INSL6: variants seen among roughly 807,000 people sequenced by gnomAD.
The protein encoded by INSL6 is insulin like 6.
INSL6 carries 16 observed loss-of-function variants against 9.4 expected under a neutral mutation model. The observed-to-expected ratio is 1.70, with a 90% confidence interval of 1.15 to 2.59. The LOEUF (loss-of-function observed/expected upper bound fraction) is 2.59, where lower values mean the gene tolerates loss of function less well. Among genes scored for constraint, INSL6 ranks in the 30% most tolerant of loss-of-function variants. The probability of loss-of-function intolerance (pLI) is 0.00; values close to 1 mark genes in which losing one functional copy is unlikely to be tolerated. For missense variants in INSL6, 391 were observed against 257.3 expected (o/e 1.52, Z -3.56); for synonymous variants, 154 against 96.9 (o/e 1.59, Z -3.46).
intron 2 of INSL6, among the ~76,000 whole-genome samples, chr9:5,139,602 G>A (rs1824450570): frequency 6.6e-6 from 1 of 152,148 alleles, no homozygotes; most frequent in African/African-American, 2.4e-5. Flanking sequence ...TCTGCTACAT[G>A]AAATATAACT....
chr9:4,997,711 G>A, the INSL6 span, among the ~76,000 whole-genome samples: 3 of 152,262 alleles, frequency 2.0e-5, no homozygotes, highest in East Asian at 5.8e-4. Context: ...GTTTTATAAA[G>A]GTTTGATATG....
chr9:5,029,982 C>T, the INSL6 span: 2 of 1,336,518 alleles, frequency 1.5e-6, no homozygotes, highest in South Asian at 2.9e-5. Context: ...TTTTTAATTG[C>T]AAGGTACTTA....
the INSL6 span, among the ~76,000 whole-genome samples, chr9:5,087,857 CAT>C: frequency 6.6e-6 from 1 of 152,174 alleles, no homozygotes. Context: ...ATTGCAATGA[CAT>C]GACTGTATTT....
rs117942233 is a variant in INSL6, at chr9:5,141,422, G to A, written c.377-7830C>T. ...TATTGGCATGAGATGGTATCTCATC[G>A]TAGTTATGATTTACGTTTCTCTAAT... On this transcript the variant is annotated intron_variant, in intron 2 of 3. Coordinates refer to the INSL6 transcript ENST00000649639. Among the ~76,000 whole-genome samples the A allele has an allele frequency of 5.5e-4, 84 of 152,206 alleles. 1 individual carries two copies. In the East Asian group the frequency reaches 0.014, roughly 26 times the overall value.
chr9:5,061,548 C>T, the INSL6 span, among the ~76,000 whole-genome samples: 1 of 152,234 alleles, frequency 6.6e-6, no homozygotes, highest in Admixed American at 6.5e-5. Flanking sequence ...GCAGCTTCCT[C>T]ACCTCTCTCA....
At chr9:5,078,437 A>G in the INSL6 span, 1 of 1,612,066 alleles carries the variant, frequency 6.2e-7, no homozygotes, top group Middle Eastern at 1.7e-4. Context: ...CAGTTTTGCC[A>G]AAGGACAGTA....
the INSL6 span, among the ~76,000 whole-genome samples, chr9:5,105,323 A>G: frequency 1.4e-4 from 21 of 152,228 alleles, no homozygotes; most frequent in Admixed American, 6.5e-5. Context: ...CAAAGAGAAT[A>G]AAATACCTGG....
chr9:5,162,237 A>G (rs751598115), downstream of INSL6, among the ~76,000 whole-genome samples: 3 of 151,702 alleles, frequency 2.0e-5, no homozygotes, highest in African/African-American at 7.3e-5. Flanking sequence ...TTTTTTTTCA[A>G]TTTGGGATTG....
chr9:5,160,828 G>A (rs897543078), downstream of INSL6, among the ~76,000 whole-genome samples: 2 of 152,014 alleles, frequency 1.3e-5, no homozygotes, highest in African/African-American at 4.8e-5. Flanking sequence ...CCAAAAAACT[G>A]GAAGACCTAC....
At chr9:5,128,482 A>G (rs1037881572) in intron 3 of INSL6, among the ~76,000 whole-genome samples, 1 of 151,686 alleles carries the variant, frequency 6.6e-6, no homozygotes, top group Admixed American at 6.6e-5. Context: ...AAAATAGCCT[A>G]TCATACAATA....
chr9:5,123,202 T>C (rs1823750571), downstream of INSL6: 1 of 889,392 alleles, frequency 1.1e-6, no homozygotes, highest in Admixed American at 2.1e-5. Context: ...AGTACAATTT[T>C]GCTACATGCA....
chr9:5,072,953 T>TG, the INSL6 span, among the ~76,000 whole-genome samples: 3 of 147,508 alleles, frequency 2.0e-5, no homozygotes, highest in Non-Finnish European at 2.9e-5. Context: ...TACATTTATT[T>TG]GAAAAAAAAA....
chr9:5,097,031 G>A, the INSL6 span: 2 of 152,098 alleles, frequency 1.3e-5, no homozygotes, highest in Non-Finnish European at 2.9e-5. Flanking sequence ...GCCGGTGCTG[G>A]AACTGGCTGA....
the INSL6 span, among the ~76,000 whole-genome samples, chr9:5,022,777 A>C: frequency 6.6e-6 from 1 of 152,232 alleles, no homozygotes; most frequent in African/African-American, 2.4e-5. Context: ...AACACATTTT[A>C]CTAGACCACT....
the INSL6 span, among the ~76,000 whole-genome samples, chr9:5,034,912 G>C: frequency 4.8e-3 from 737 of 152,036 alleles, 8 homozygotes; most frequent in African/African-American, 0.017. Flanking sequence ...GACATAGAGA[G>C]ACAAAAAACC....
chr9:5,169,547 G>A (rs765275411), intron 1 of INSL6, among the ~76,000 whole-genome samples: 7 of 152,068 alleles, frequency 4.6e-5, no homozygotes, highest in Non-Finnish European at 1.0e-4. Flanking sequence ...ATGTAAATGG[G>A]CTAATCCCCA....
the INSL6 span, among the ~76,000 whole-genome samples, chr9:4,995,474 A>G: frequency 6.6e-6 from 1 of 152,172 alleles, no homozygotes; most frequent in African/African-American, 2.4e-5. Flanking sequence ...TTTTTCCCCT[A>G]GATGGTTGTC....
chr9:5,112,913 A>C, the INSL6 span: 1 of 282,488 alleles, frequency 3.5e-6, no homozygotes, highest in East Asian at 7.4e-5. Context: ...CAGAACGCCC[A>C]CTTGAGGCCC....
the INSL6 span, chr9:5,112,086 GACC>G: frequency 2.6e-6 from 1 of 378,766 alleles, no homozygotes; most frequent in African/African-American, 2.1e-5. Context: ...TAAGATAGAA[GACC>G]ACCTACCTGA....
Sources: allele counts gnomAD v4.1 joint callset (sites outside exome capture counted in the v4.1 genomes callset), GRCh38; gene constraint gnomAD v4.1.1; transcripts MANE v1.5; gene names NCBI Gene and HGNC (gene_info 2026-07-23, HGNC 2026-07-21).